ADAMTS17: variants seen among roughly 807,000 people sequenced by gnomAD.
The protein encoded by ADAMTS17 is ADAM metallopeptidase with thrombospondin type 1 motif 17.
Under a neutral mutation model 141.5 loss-of-function variants are expected in ADAMTS17, and 113 were observed. The ratio of observed to expected loss-of-function variants is 0.80; its 90% CI spans 0.69 to 0.93. ADAMTS17 has a LOEUF of 0.93. Ranked by LOEUF, ADAMTS17 falls within the 40% of genes least tolerant of loss-of-function variation. The probability of loss-of-function intolerance (pLI) is 0.00; values close to 1 mark genes in which losing one functional copy is unlikely to be tolerated. For missense variants in ADAMTS17, 1,659 were observed against 1,517.9 expected, an observed-to-expected ratio of 1.09 and a Z score of -1.54; for synonymous variants, 768 against 630.6, an observed-to-expected ratio of 1.22 and a Z score of -3.27.
At chr15:100,299,636 C>T (rs12593098) in intron 3 of ADAMTS17, among the ~76,000 whole-genome samples, 15,482 of 152,124 alleles carry the variant, frequency 0.1, 1,237 homozygotes, top group East Asian at 0.31. Flanking sequence ...TCGACGGCTT[C>T]TCTGCACCTG....
At chr15:100,239,230 G>A (rs1043171468) in intron 7 of ADAMTS17, among the ~76,000 whole-genome samples, 1 of 152,250 alleles carries the variant, frequency 6.6e-6, no homozygotes, top group Non-Finnish European at 1.5e-5. Flanking sequence ...CATGCAGAAT[G>A]GAGAGAACAG....
chr15:100,264,974 T>G (rs1477774115), intron 4 of ADAMTS17, among the ~76,000 whole-genome samples: 1 of 152,234 alleles, frequency 6.6e-6, no homozygotes, highest in Non-Finnish European at 1.5e-5. Context: ...TGTATTTTAC[T>G]ACAATTAAAA....
At chr15:100,021,780 C>T (rs2061411285) in intron 18 of ADAMTS17, among the ~76,000 whole-genome samples, 1 of 152,180 alleles carries the variant, frequency 6.6e-6, no homozygotes, top group African/African-American at 2.4e-5. Flanking sequence ...GTCGCCCTGG[C>T]CCTGGCCAGC....
intron 10 of ADAMTS17, among the ~76,000 whole-genome samples, chr15:100,148,267 T>C (rs376611690): frequency 8.5e-5 from 13 of 152,376 alleles, no homozygotes; most frequent in African/African-American, 2.6e-4. Context: ...AAATGATCAA[T>C]GATCTTTTGA....
chr15:99,991,704 T>A (rs1300582301), intron 20 of ADAMTS17, among the ~76,000 whole-genome samples: 1 of 152,154 alleles, frequency 6.6e-6, no homozygotes, highest in Non-Finnish European at 1.5e-5. Context: ...ACCATTCCAC[T>A]ATAAAGACAC....
intron 3 of ADAMTS17, among the ~76,000 whole-genome samples, chr15:100,322,763 A>T (rs979736482): frequency 2.6e-5 from 4 of 152,316 alleles, no homozygotes; most frequent in Admixed American, 2.0e-4. Flanking sequence ...TGGAAATATC[A>T]TATGCACCAC....
At position 100,236,268 on chromosome 15, in the gene ADAMTS17, T is replaced by C. The variant is rs185216826; in HGVS notation, c.1075+17868A>G. 5.7e-5 allele frequency among the ~76,000 whole-genome samples: 8 copies of C among 140,476 alleles called. No individual in the cohort carries two copies. The East Asian group carries it at 1.7e-3, about 30-fold the overall frequency. The allele number at this position is 140,476 out of a possible 152,430, so 92.2% of individuals were successfully genotyped here. A position where few individuals can be genotyped will look rare whatever the true frequency, so the allele number is the denominator to read the frequency against. ...CATTGAGAGAGGTGCCCTATATTCA[T>C]GTCACCCACGACATTAAAAAAAAAA... On this transcript the variant is annotated intron_variant, in intron 7 of 21. Transcript: ENST00000268070.
chr15:100,328,170 T>C (rs138216808), intron 3 of ADAMTS17, among the ~76,000 whole-genome samples: 4,723 of 152,250 alleles, frequency 0.031, 110 homozygotes, highest in African/African-American at 0.052. Context: ...ATTAATCTGA[T>C]TAATCTTTCT....
chr15:100,333,723 T>C (rs537768578), intron 2 of ADAMTS17, among the ~76,000 whole-genome samples: 7 of 152,344 alleles, frequency 4.6e-5, no homozygotes, highest in African/African-American at 1.7e-4. Flanking sequence ...CGTGTCACCA[T>C]CTATGCGGGG....
At chr15:100,098,560 G>A (rs941311266) in intron 14 of ADAMTS17, among the ~76,000 whole-genome samples, 6 of 152,210 alleles carry the variant, frequency 3.9e-5, no homozygotes, top group East Asian at 1.9e-4. Flanking sequence ...CTACTCAGGA[G>A]GCTGAGGCAG....
chr15:100,249,909 G>T (rs1052402478), intron 7 of ADAMTS17, among the ~76,000 whole-genome samples: 4 of 152,186 alleles, frequency 2.6e-5, no homozygotes, highest in Non-Finnish European at 5.9e-5. Flanking sequence ...GAGGGTGGGG[G>T]TTAGGCCATA....
At chr15:100,081,324 C>G (rs1365398424) in intron 15 of ADAMTS17, among the ~76,000 whole-genome samples, 3 of 152,076 alleles carry the variant, frequency 2.0e-5, no homozygotes, top group African/African-American at 4.8e-5. Context: ...GTTGTGATTA[C>G]GTAAGTTAAT....
At chr15:100,334,972 G>A (rs995781549) in intron 2 of ADAMTS17, among the ~76,000 whole-genome samples, 1 of 152,094 alleles carries the variant, frequency 6.6e-6, no homozygotes, top group Admixed American at 6.6e-5. Flanking sequence ...TGCTCCCCTC[G>A]TTCAGTCCTC....
intron 3 of ADAMTS17, among the ~76,000 whole-genome samples, chr15:100,317,567 G>A (rs899695949): frequency 1.1e-4 from 16 of 152,272 alleles, no homozygotes; most frequent in African/African-American, 3.1e-4. Flanking sequence ...CATCAGAAAT[G>A]CCACAGGGCT....
rs182701265 is a variant in ADAMTS17, at chr15:100,181,092, C to T, written c.1181+18226G>A. ...CAGAGGAGCCTCTTCCTGTGGCCACCGCCACCACACAAGGCCCATGGGGAG... is the reference window on the plus strand; with the variant it reads ...CAGAGGAGCCTCTTCCTGTGGCCACTGCCACCACACAAGGCCCATGGGGAG... On this transcript the variant is annotated intron_variant, in intron 8 of 21. Transcript: ENST00000268070. Among the ~76,000 whole-genome samples, 199 of 152,296 alleles carry T rather than the reference C, an allele frequency of 1.3e-3. 1 individual carries two copies. Among genetic ancestry groups the T allele is most frequent in the African/African-American group, 4.0e-3 (165 of 41,558 alleles).
chr15:100,124,018 C>T (rs2037589499), intron 12 of ADAMTS17, among the ~76,000 whole-genome samples: 1 of 151,170 alleles, frequency 6.6e-6, no homozygotes, highest in Non-Finnish European at 1.5e-5. Flanking sequence ...GGCTGGAGTG[C>T]AGTGGTAAGA....
intron 10 of ADAMTS17, among the ~76,000 whole-genome samples, chr15:100,136,183 C>G (rs987279318): frequency 6.6e-6 from 1 of 152,184 alleles, no homozygotes; most frequent in African/African-American, 2.4e-5. Context: ...AAATGCCCAT[C>G]AAGAGCAGAA....
chr15:100,137,977 T>C (rs1386688708), intron 10 of ADAMTS17, among the ~76,000 whole-genome samples: 1 of 152,110 alleles, frequency 6.6e-6, no homozygotes, highest in Non-Finnish European at 1.5e-5. Context: ...TACCACCCAA[T>C]TGTGCTATTT....
chr15:100,005,694 C>G (rs1481961708), intron 18 of ADAMTS17, among the ~76,000 whole-genome samples: 1 of 152,192 alleles, frequency 6.6e-6, no homozygotes, highest in South Asian at 2.1e-4. Context: ...AAAAGGACTG[C>G]TAATAAAAGC....
Sources: gnomAD v4.1 joint callset for allele counts (sites outside exome capture counted in the v4.1 genomes callset) on GRCh38, gnomAD v4.1.1 for gene constraint, MANE v1.5 for transcripts, NCBI Gene and HGNC (gene_info 2026-07-23, HGNC 2026-07-21) for gene names.